Variants in UTS2R observed in about 807,000 individuals in gnomAD.
UTS2R encodes urotensin-2 receptor.
For synonymous variants in UTS2R, 335 were observed against 280.9 expected (o/e 1.19, Z -1.93); for missense variants, 653 against 562.2 (o/e 1.16, Z -1.63).
chr17:82,372,245 C>T (rs2052456617), intron 1 of UTS2R, among the ~76,000 whole-genome samples, 198 bp downstream of exon 1: 1 of 152,176 alleles, frequency 6.6e-6, no homozygotes, highest in Non-Finnish European at 1.5e-5. Flanking sequence ...TGGAGCAATC[C>T]TAGCGGCCCG....
rs1401252475 is a variant in UTS2R at position 82,376,432 on chromosome 17, C to T, written c.*938C>T. On this transcript the variant is annotated 3_prime_UTR_variant, in exon 3 of 3. Coordinates refer to ENST00000313135, the MANE Select transcript of UTS2R (RefSeq NM_018949.3). ...CCTCCCCCAGCCTGGCCTCCCCTCC[C>T]CACCCCATGGCCATGCCCAGACTAC... Among the ~76,000 whole-genome samples, 1 of 152,172 alleles carries T rather than the reference C, an allele frequency of 6.6e-6. No homozygotes were observed. Among genetic ancestry groups the T allele is most frequent in the Admixed American group, 6.5e-5 (1 of 15,290 alleles).
At position 82,375,190 on chromosome 17, in the gene UTS2R, C is replaced by T; in HGVS notation, c.866C>T (p.Ala289Val). 1 of 1,555,756 alleles carries T rather than the reference C, an allele frequency of 6.4e-7. No homozygotes were observed. The highest frequency in any genetic ancestry group is 8.7e-7 in the Non-Finnish European group (1 of 1,152,548). Residue 289 changes from alanine (A) to valine (V), a missense_variant, in exon 3 of 3, where the codon GCG becomes GTG. Physicochemically the swap from Ala to Val is moderately conservative, Grantham distance 64. Transcript: ENST00000313135. ...LLAQYHQAPL[A>V]PRTARIVNYL... ...GCCCAGTACCACCAGGCCCCGCTGG[C>T]GCCGCGGACGGCGCGCATCGTCAAC...
chr17:82,374,439 C>G lies in UTS2R; in HGVS notation c.115C>G (p.Pro39Ala). Residue 39 changes from proline to alanine, a missense_variant, in exon 3 of 3, where the codon CCG (proline) becomes GCG (alanine). By Grantham distance (27) the Pro-to-Ala change is conservative. Transcript: ENST00000313135. ...NATLNSSWASPTEPSSLEDLV... is the reference protein window; with the variant it reads ...NATLNSSWASATEPSSLEDLV... ...AACCCTCAACAGCTCCTGGGCCAGCCCGACCGAGCCCAGCTCCCTGGAGGA... is the reference window on the plus strand; with the variant it reads ...AACCCTCAACAGCTCCTGGGCCAGCGCGACCGAGCCCAGCTCCCTGGAGGA... 6.3e-7 allele frequency: 1 copy of G among 1,599,028 alleles called. No individual in the cohort carries two copies. The highest frequency in any genetic ancestry group is 8.5e-7 in the Non-Finnish European group (1 of 1,176,020).
Position 82,375,490 on chromosome 17 carries a change from C to A in UTS2R, c.1166C>A (p.Ala389Glu). The A allele has an allele frequency of 1.5e-6, 2 of 1,314,766 alleles. No individual in the cohort carries two copies. Among genetic ancestry groups the A allele is most frequent in the South Asian group, 1.5e-5 (1 of 68,604 alleles). The allele number at this position is 1,314,766 out of a possible 1,614,324, so 81.4% of individuals were successfully genotyped here. A position where few individuals can be genotyped will look rare whatever the true frequency, so the allele number is the denominator to read the frequency against. The part of the protein sequence containing the change: ...RPAPEGPRAP[A>E] ...GCGCCCGAGGGTCCCAGGGCCCCGGCGTGAGCACGCGGAGGGGCGGCTGGA... is the reference window on the plus strand; with the variant it reads ...GCGCCCGAGGGTCCCAGGGCCCCGGAGTGAGCACGCGGAGGGGCGGCTGGA... The change falls in exon 3 of 3, where the codon GCG becomes GAG. Residue 389 changes from alanine to glutamate, a missense_variant. Physicochemically the swap from Ala to Glu is moderately radical, Grantham distance 107. Coordinates refer to ENST00000313135, the MANE Select transcript of UTS2R (RefSeq NM_018949.3).
In UTS2R at chr17:82,375,360, C is replaced by T. The variant is rs762006001; in HGVS notation, c.1036C>T (p.Gln346Ter). 1.1e-5 allele frequency: 17 copies of T among 1,576,832 alleles called. No homozygotes were observed. The highest frequency in any genetic ancestry group is 7.2e-5 in the East Asian group (3 of 41,854). The change falls in exon 3 of 3, where the codon CAG (glutamine) becomes TAG (stop). Residue 346 changes from glutamine to a stop codon, truncating the protein, a stop_gained. Coordinates refer to ENST00000313135, the MANE Select transcript of UTS2R (RefSeq NM_018949.3). LOFTEE classifies it low-confidence loss of function (END_TRUNC). ...AGGCCGGGGGCCCGTTCCCTCCCTG[C>T]AGCCCCGCGCCCGCTTCCAGCGCTG... ...GGGRGPVPSL[Q>*]PRARFQRCSG...
Position 82,374,561 on chromosome 17 carries a change from C to T in UTS2R, c.237C>T (p.Ser79=), listed in dbSNP as rs1306416431. The T allele has an allele frequency of 2.5e-6, 4 of 1,594,532 alleles. No individual in the cohort carries two copies. Among genetic ancestry groups the T allele is most frequent in the Admixed American group, 3.5e-5 (2 of 56,550 alleles). The stretch of plus-strand genomic sequence containing the variant: ...ACACGCTGGTGGTCACCTGCCGCTC[C>T]CTGCGTGCGGTGGCCTCCATGTACG... ...NAYTLVVTCR[S]LRAVASMYVY... Residue 79 remains serine, a synonymous_variant, in exon 3 of 3, where the codon TCC becomes TCT. Coordinates refer to ENST00000313135, the MANE Select transcript of UTS2R (RefSeq NM_018949.3).
At position 82,375,277 on chromosome 17, in the gene UTS2R, T is replaced by G; in HGVS notation, c.953T>G (p.Leu318Arg). The change falls in exon 3 of 3, where the codon CTC (leucine) becomes CGC (arginine). Residue 318 changes from leucine (L) to arginine (R), a missense_variant. Physicochemically the swap from Leu to Arg is moderately radical, Grantham distance 102. Coordinates refer to ENST00000313135, the MANE Select transcript of UTS2R (RefSeq NM_018949.3). ...GCCAACCCCTTCCTCTACACGCTGC[T>G]CACCAGGAACTACCGCGACCACCTG... ...SCANPFLYTL[L>R]TRNYRDHLRG... 1 of 1,564,904 alleles carries G rather than the reference T, an allele frequency of 6.4e-7. No individual in the cohort carries two copies. The highest frequency in any genetic ancestry group is 8.6e-7 in the Non-Finnish European group (1 of 1,157,098).
rs975237891 is a variant in UTS2R at position 82,377,058 on chromosome 17, T to C, written c.*1564T>C. Reference sequence around the variant, plus strand: ...GTGGGGAAAAGATTGAGAAATCGGATGGTTGCCGTGTCTGTGTAGAAAGAA... The same window carrying C: ...GTGGGGAAAAGATTGAGAAATCGGACGGTTGCCGTGTCTGTGTAGAAAGAA... On this transcript the variant is annotated 3_prime_UTR_variant, in exon 3 of 3. Coordinates refer to ENST00000313135, the MANE Select transcript of UTS2R (RefSeq NM_018949.3). Among the ~76,000 whole-genome samples the C allele has an allele frequency of 2.6e-5, 4 of 152,232 alleles. No homozygotes were observed.
chr17:82,375,865 C>T lies in UTS2R; in HGVS notation c.*371C>T, dbSNP rs564655506. On this transcript the variant is annotated 3_prime_UTR_variant, in exon 3 of 3. Transcript: ENST00000313135. ...GCCTGTGTGGCTCCATCCCTTGTGG[C>T]TTTGCCACTGGAACAATCAACCCTG... Among the ~76,000 whole-genome samples, 1 of 152,388 alleles carries T rather than the reference C, an allele frequency of 6.6e-6. No individual in the cohort carries two copies. The highest frequency in any genetic ancestry group is 2.4e-5 in the African/African-American group (1 of 41,596).
rs2052469517 is a variant in UTS2R, at chr17:82,374,271, GC to G, written c.-50del. 4 of 1,422,102 alleles carry G rather than the reference GC, an allele frequency of 2.8e-6. No homozygotes were observed. Among genetic ancestry groups the G allele is most frequent in the Non-Finnish European group, 2.8e-6 (3 of 1,075,390 alleles). The allele number at this position is 1,422,102 out of a possible 1,614,324, so 88.1% of individuals were successfully genotyped here. ...GAGCTGGTTGCCCACAGGGGCCCCC[GC>G]CCCATCTCAGGGAGTGTCCACCCAG... On this transcript the variant is annotated 5_prime_UTR_variant, in exon 3 of 3. Coordinates refer to ENST00000313135, the MANE Select transcript of UTS2R (RefSeq NM_018949.3).
chr17:82,375,485 C>T lies in UTS2R; in HGVS notation c.1161C>T (p.Ala387=), dbSNP rs768522755. ...GACCTGCGCCCGAGGGTCCCAGGGC[C>T]CCGGCGTGAGCACGCGGAGGGGCGG... is the stretch of plus-strand genomic sequence containing the variant. The part of the protein sequence containing the change: ...PARPAPEGPR[A]PA The change falls in exon 3 of 3, where the codon GCC becomes GCT. Residue 387 remains alanine, a synonymous_variant. Coordinates refer to ENST00000313135, the MANE Select transcript of UTS2R (RefSeq NM_018949.3). The T allele has an allele frequency of 7.2e-7, 1 of 1,379,534 alleles. No homozygotes were observed. Among genetic ancestry groups the T allele is most frequent in the Non-Finnish European group, 9.6e-7 (1 of 1,040,304 alleles). The allele number at this position is 1,379,534 out of a possible 1,614,324, so 85.5% of individuals were successfully genotyped here.
rs759703418 is a variant in UTS2R, at chr17:82,374,629, T to G, written c.305T>G (p.Leu102Arg). The G allele has an allele frequency of 1.2e-6, 2 of 1,612,768 alleles. No individual in the cohort carries two copies. The highest frequency in any genetic ancestry group is 1.7e-6 in the Non-Finnish European group (2 of 1,179,726). Residue 102 changes from leucine (L) to arginine (R), a missense_variant, in exon 3 of 3, where the codon CTC becomes CGC. Transcript: ENST00000313135. ...NLALADLLYLLSIPFIVATYV... is the reference protein window; with the variant it reads ...NLALADLLYLRSIPFIVATYV... ...GCGCTGGCCGACCTGCTGTACCTGC[T>G]CAGCATCCCCTTCATCGTGGCCACC... is the stretch of plus-strand genomic sequence containing the variant.
chr17:82,375,217 A>G lies in UTS2R; in HGVS notation c.893A>G (p.Tyr298Cys), dbSNP rs201611003. ...LAPRTARIVNYLTTCLTYGNS... is the reference protein window; with the variant it reads ...LAPRTARIVNCLTTCLTYGNS... The stretch of plus-strand genomic sequence containing the variant: ...CCGCGGACGGCGCGCATCGTCAACT[A>G]CCTGACCACCTGCCTCACCTACGGC... The change falls in exon 3 of 3, where the codon TAC becomes TGC. Residue 298 changes from tyrosine to cysteine, a missense_variant. Transcript: ENST00000313135. 1.3e-6 allele frequency: 2 copies of G among 1,575,372 alleles called. No individual in the cohort carries two copies. Among genetic ancestry groups the G allele is most frequent in the South Asian group, 1.2e-5 (1 of 85,712 alleles).
chr17:82,375,318 G>C lies in UTS2R; in HGVS notation c.994G>C (p.Gly332Arg), dbSNP rs751751246. 2.6e-5 allele frequency: 40 copies of C among 1,545,870 alleles called. No individual in the cohort carries two copies. The highest frequency in any genetic ancestry group is 1.2e-4 in the Admixed American group (6 of 51,216). The change falls in exon 3 of 3, where the codon GGC becomes CGC. Residue 332 changes from glycine (G) to arginine (R), a missense_variant. Coordinates refer to ENST00000313135, the MANE Select transcript of UTS2R (RefSeq NM_018949.3). ...CGACCACCTGCGCGGCCGCGTGCGG[G>C]GCCCGGGCAGCGGGGGAGGCCGGGG... ...YRDHLRGRVRGPGSGGGRGPV... is the reference protein window; with the variant it reads ...YRDHLRGRVRRPGSGGGRGPV...
chr17:82,374,466 C>G lies in UTS2R; in HGVS notation c.142C>G (p.Leu48Val). 6.3e-7 allele frequency: 1 copy of G among 1,598,164 alleles called. No homozygotes were observed. Among genetic ancestry groups the G allele is most frequent in the Non-Finnish European group, 8.5e-7 (1 of 1,174,194 alleles). Residue 48 changes from leucine (L) to valine (V), a missense_variant, in exon 3 of 3, where the codon CTG becomes GTG. Transcript: ENST00000313135. Reference protein sequence around the residue: ...SPTEPSSLEDLVATGTIGTLL... With the variant: ...SPTEPSSLEDVVATGTIGTLL... The stretch of plus-strand genomic sequence containing the variant: ...GACCGAGCCCAGCTCCCTGGAGGAC[C>G]TGGTGGCCACGGGCACCATTGGGAC...
rs2052489834 is a variant in UTS2R at position 82,375,507 on chromosome 17, G to A, written c.*13G>A. ...GGCCCCGGCGTGAGCACGCGGAGGG[G>A]CGGCTGGAGTCCAGGCGGGGACGCG... On this transcript the variant is annotated 3_prime_UTR_variant, in exon 3 of 3. Transcript: ENST00000313135. 5 of 1,167,306 alleles carry A rather than the reference G, an allele frequency of 4.3e-6. No individual in the cohort carries two copies. Among genetic ancestry groups the A allele is most frequent in the Non-Finnish European group, 5.8e-6 (5 of 866,314 alleles). The allele number at this position is 1,167,306 out of a possible 1,614,324, so 72.3% of individuals were successfully genotyped here. A position where few individuals can be genotyped will look rare whatever the true frequency, so the allele number is the denominator to read the frequency against.
At position 82,377,139 on chromosome 17, in the gene UTS2R, G is replaced by A. The variant is rs891555676; in HGVS notation, c.*1645G>A. On this transcript the variant is annotated 3_prime_UTR_variant, in exon 3 of 3. Coordinates refer to ENST00000313135, the MANE Select transcript of UTS2R (RefSeq NM_018949.3). ...GTACTAAGAAAAATTCTTCTGCCTT[G>A]GGATCCTGTTGATCTATGACCTTAC... Among the ~76,000 whole-genome samples the A allele has an allele frequency of 7.2e-5, 11 of 152,052 alleles. No individual in the cohort carries two copies. The highest frequency in any genetic ancestry group is 1.3e-4 in the Non-Finnish European group (9 of 67,990).
chr17:82,374,943 G>A lies in UTS2R; in HGVS notation c.619G>A (p.Ala207Thr), dbSNP rs764827529. ...GTGCCTGCCCGCCTGGGGCCCGCGCGCCCACCGCGCCTACCTGACGCTGCT... is the reference window on the plus strand; with the variant it reads ...GTGCCTGCCCGCCTGGGGCCCGCGCACCCACCGCGCCTACCTGACGCTGCT... ...SLCLPAWGPR[A>T]HRAYLTLLFA... The change falls in exon 3 of 3, where the codon GCC (alanine) becomes ACC (threonine). Residue 207 changes from alanine (A) to threonine (T), a missense_variant. Physicochemically the swap from Ala to Thr is moderately conservative, Grantham distance 58 (BLOSUM62 0). Coordinates refer to ENST00000313135, the MANE Select transcript of UTS2R (RefSeq NM_018949.3). 4.6e-6 allele frequency: 5 copies of A among 1,087,122 alleles called. No individual in the cohort carries two copies. In the East Asian group the frequency reaches 1.3e-4, roughly 28 times the overall value. 67.3% of individuals were successfully genotyped at this position (1,087,122 alleles called of 1,614,324 possible). A position where few individuals can be genotyped will look rare whatever the true frequency, so the allele number is the denominator to read the frequency against.
intron 1 of UTS2R, among the ~76,000 whole-genome samples, 164 bp from the exon 2 acceptor site, chr17:82,372,434 G>A (rs1484201475): frequency 1.3e-5 from 2 of 152,212 alleles, no homozygotes; most frequent in South Asian, 2.1e-4. Context: ...TGGTGGGAAA[G>A]GGCGGACAGG....
Sources: gnomAD v4.1 joint callset for allele counts (sites outside exome capture counted in the v4.1 genomes callset) on GRCh38, gnomAD v4.1.1 for gene constraint, MANE v1.5 for transcripts, NCBI Gene and HGNC (gene_info 2026-07-23, HGNC 2026-07-21) for gene names.